IL1R1: variants seen among roughly 807,000 people sequenced by gnomAD.
The protein encoded by IL1R1 is interleukin 1 receptor type 1.
IL1R1 carries 22 observed loss-of-function variants against 50.2 expected under a neutral mutation model. The observed-to-expected ratio is 0.44, with a 90% CI of 0.31 to 0.63. IL1R1 has a LOEUF of 0.63. IL1R1 is among the 20% of genes least tolerant of loss of function. IL1R1 has a pLI of 0.07. For synonymous variants in IL1R1, 251 were observed against 236.7 expected (o/e 1.06, Z -0.55); for missense variants, 509 against 676.2 (o/e 0.75, Z 2.74).
At chr2:102,109,317 T>C (rs1680610146) in intron 1 of IL1R1, among the ~76,000 whole-genome samples, 1 of 152,184 alleles carries the variant, frequency 6.6e-6, no homozygotes, top group South Asian at 2.1e-4. Context: ...CATGCACTCT[T>C]CTGGGTTCTT....
rs796453974 is a variant in IL1R1, at chr2:102,108,241, TG to T, written c.-84+3378del. 8.3e-3 allele frequency among the ~76,000 whole-genome samples: 282 copies of T among 34,180 alleles called. 2 individuals are homozygous for T. The highest frequency in any genetic ancestry group is 0.022 in the Middle Eastern group (2 of 90). 22.4% of individuals were successfully genotyped at this position (34,180 alleles called of 152,430 possible). ...GTGTGTGTATGTATGTGTGTGTGTG[TG>T]GGGGGGGGTGTGTATAACATATTTC... is the stretch of plus-strand genomic sequence containing the variant. On this transcript the variant is annotated intron_variant, in intron 1 of 10. Coordinates refer to the IL1R1 transcript ENST00000409329.
upstream of IL1R1, among the ~76,000 whole-genome samples, chr2:102,104,103 G>A (rs1055869402): frequency 2.6e-5 from 4 of 152,134 alleles, no homozygotes; most frequent in African/African-American, 9.7e-5. Context: ...TGAGCTGAGG[G>A]GTGATCAGTG....
intron 11 of IL1R1, 172 bp from the exon 12 acceptor site, chr2:102,176,181 T>G: frequency 6.6e-6 from 4 of 603,216 alleles, no homozygotes; most frequent in Non-Finnish European, 1.1e-5. Context: ...AACAAGAGAC[T>G]GTCTCTTAAA....
chr2:102,146,233 G>A (rs1292364298), intron 1 of IL1R1, among the ~76,000 whole-genome samples: 2 of 152,056 alleles, frequency 1.3e-5, no homozygotes, highest in African/African-American at 4.8e-5. Flanking sequence ...AGAGTTAAAT[G>A]AAAAGTTAGA....
intron 1 of IL1R1, among the ~76,000 whole-genome samples, chr2:102,113,979 C>T (rs1014929325): frequency 7.2e-5 from 11 of 152,228 alleles, no homozygotes; most frequent in African/African-American, 2.2e-4. Context: ...ATCATTATGC[C>T]AAAATAGTAA....
chr2:102,123,615 A>G (rs1681524236), intron 1 of IL1R1, among the ~76,000 whole-genome samples: 1 of 152,010 alleles, frequency 6.6e-6, no homozygotes, highest in Non-Finnish European at 1.5e-5. Flanking sequence ...ACCTCTACTA[A>G]AAATACAAAA....
chr2:102,099,122 GT>G (rs532575416), intron 1 of IL1R1, among the ~76,000 whole-genome samples: 98 of 152,312 alleles, frequency 6.4e-4, no homozygotes, highest in African/African-American at 2.3e-3. Context: ...TTGTGATAGA[GT>G]AAAAGAGAAG....
rs879943131 is a variant in IL1R1 at position 102,176,432 on chromosome 2, C to T, written c.1383C>T (p.Phe461=). 1.2e-6 allele frequency: 2 copies of T among 1,614,078 alleles called. No individual in the cohort carries two copies. The highest frequency in any genetic ancestry group is 2.2e-5 in the East Asian group (1 of 44,894). ...TTTTAGTCAGAGAAACATCAGGCTTCAGCTGGCTGGGTGGTTCATCTGAAG... is the reference window on the plus strand; with the variant it reads ...TTTTAGTCAGAGAAACATCAGGCTTTAGCTGGCTGGGTGGTTCATCTGAAG... ...IIILVRETSG[F]SWLGGSSEEQ... Residue 461 remains phenylalanine (F), a synonymous_variant, in exon 12 of 12, where the codon TTC becomes TTT. Coordinates refer to ENST00000410023, the MANE Select transcript of IL1R1 (RefSeq NM_000877.4).
chr2:102,077,648 A>G (rs1679027641), intron 1 of IL1R1, among the ~76,000 whole-genome samples: 1 of 152,164 alleles, frequency 6.6e-6, no homozygotes, highest in Non-Finnish European at 1.5e-5. Flanking sequence ...CCTGTTGGTT[A>G]TATTTTCCTG....
rs1315758375 is a variant in IL1R1 at position 102,179,779 on chromosome 2, T to C, written c.*3020T>C. 6.5e-6 allele frequency: 1 copy of C among 152,770 alleles called. No homozygotes were observed. Among genetic ancestry groups the C allele is most frequent in the East Asian group, 1.9e-4 (1 of 5,338 alleles). The allele number at this position is 152,770 out of a possible 1,614,324, so 9.5% of individuals were successfully genotyped here. On this transcript the variant is annotated 3_prime_UTR_variant, in exon 12 of 12. Transcript: ENST00000410023. ...TAATTTTGCAGCAGAAGCCAAATTT[T>C]TTGTATATTAAAGCACCAAATTCAT...
intron 1 of IL1R1, among the ~76,000 whole-genome samples, chr2:102,137,596 C>A (rs1682417373): frequency 6.6e-6 from 1 of 152,166 alleles, no homozygotes; most frequent in Non-Finnish European, 1.5e-5. Context: ...GGCATCAAGA[C>A]TGAGTGTTCT....
chr2:102,115,589 A>G (rs951342197), intron 1 of IL1R1, among the ~76,000 whole-genome samples: 8 of 152,196 alleles, frequency 5.3e-5, no homozygotes, highest in Non-Finnish European at 1.0e-4. Context: ...GGGGGAGATG[A>G]AAAACCTCAA....
chr2:102,150,539 C>T (rs914520432), intron 1 of IL1R1, among the ~76,000 whole-genome samples: 10 of 152,212 alleles, frequency 6.6e-5, no homozygotes, highest in South Asian at 2.1e-4. Context: ...GTGTGTTGCA[C>T]GTGCTGCTGT....
intron 1 of IL1R1, among the ~76,000 whole-genome samples, chr2:102,116,534 C>T (rs576970112): frequency 1.3e-4 from 20 of 152,080 alleles, no homozygotes; most frequent in Middle Eastern, 3.4e-3. Flanking sequence ...CCATGTATTC[C>T]GATAATTTTA....
intron 1 of IL1R1, among the ~76,000 whole-genome samples, chr2:102,128,612 A>G (rs1681856827): frequency 6.6e-6 from 1 of 152,222 alleles, no homozygotes; most frequent in Non-Finnish European, 1.5e-5. Context: ...CAGATAGTAT[A>G]TTGTAGAGCT....
chr2:102,073,756 C>A (rs1417877246), intron 1 of IL1R1, among the ~76,000 whole-genome samples: 1 of 152,124 alleles, frequency 6.6e-6, no homozygotes, highest in Non-Finnish European at 1.5e-5. Flanking sequence ...ATACCATACT[C>A]ATTTGACAGC....
chr2:102,138,349 G>GCAAGATT (rs1199327417), upstream of IL1R1, among the ~76,000 whole-genome samples: 4 of 152,038 alleles, frequency 2.6e-5, no homozygotes, highest in Non-Finnish European at 5.9e-5. Flanking sequence ...CCTTCACTGA[G>GCAAGATT]CAAGATTCAA....
intron 1 of IL1R1, among the ~76,000 whole-genome samples, chr2:102,072,853 G>A (rs1678792530): frequency 6.6e-6 from 1 of 152,008 alleles, no homozygotes; most frequent in South Asian, 2.1e-4. Context: ...CCATTTCCGA[G>A]TTTAATGTCA....
At chr2:102,071,207 C>T (rs996506569) in intron 1 of IL1R1, among the ~76,000 whole-genome samples, 2 of 152,066 alleles carry the variant, frequency 1.3e-5, no homozygotes, top group African/African-American at 4.8e-5. Flanking sequence ...CTCAAAAAAT[C>T]AGAAGTATGT....
Sources: gnomAD v4.1 joint callset for allele counts (sites outside exome capture counted in the v4.1 genomes callset) on GRCh38, gnomAD v4.1.1 for gene constraint, MANE v1.5 for transcripts, NCBI Gene and HGNC (gene_info 2026-07-23, HGNC 2026-07-21) for gene names.